The following SRRM2 variants were observed in gnomAD, a reference collection of about 807,000 sequenced individuals.
The protein encoded by SRRM2 is serine/arginine repetitive matrix protein 2.
SRRM2 carries 30 observed loss-of-function variants against 213.8 expected under a neutral mutation model. The ratio of observed to expected loss-of-function variants is 0.14; its 90% confidence interval spans 0.10 to 0.19. The LOEUF is 0.19. Among genes scored for constraint, SRRM2 ranks in the 10% least tolerant of loss-of-function variants. SRRM2 has a pLI of 1.00. For synonymous variants in SRRM2, 2,025 were observed against 1,377.7 expected, an observed-to-expected ratio of 1.47 and a Z score of -10.40; for missense variants, 4,904 against 3,647.0, an observed-to-expected ratio of 1.34 and a Z score of -8.88.
chr16:2,765,417 G>A lies in SRRM2; in HGVS notation c.4889G>A (p.Arg1630Gln), dbSNP rs141845538. The A allele has an allele frequency of 3.6e-5, 58 of 1,613,892 alleles. No individual in the cohort carries two copies. Among genetic ancestry groups the A allele is most frequent in the South Asian group, 2.6e-4 (24 of 91,074 alleles). ...SSPEPKAPAPRALPRRSRSGS... is the reference protein window; with the variant it reads ...SSPEPKAPAPQALPRRSRSGS... Reference sequence around the variant, plus strand: ...CCTGAACCTAAAGCTCCAGCCCCTCGGGCCCTTCCCAGACGAAGCAGATCA... The same window carrying A: ...CCTGAACCTAAAGCTCCAGCCCCTCAGGCCCTTCCCAGACGAAGCAGATCA... The change falls in exon 11 of 15, where the codon CGG becomes CAG. Residue 1630 changes from arginine to glutamine, a missense_variant. Coordinates refer to ENST00000301740, the MANE Select transcript of SRRM2 (RefSeq NM_016333.4).
intron 12 of SRRM2, 182 bp downstream of exon 12, chr16:2,769,466 G>C (rs564940642): frequency 7.0e-6 from 5 of 710,972 alleles, no homozygotes; most frequent in Non-Finnish European, 2.3e-6. Context: ...GAAGGGCTGC[G>C]CCATCCACAG....
rs566806076 is a variant in SRRM2, at chr16:2,768,466, A to G, written c.7733+205A>G. The stretch of plus-strand genomic sequence containing the variant: ...GACAGATAAAAGTCTCCGAAGGTTC[A>G]TTCTCTAGAGGATAATGATAAGTTT... On this transcript the variant is annotated intron_variant, in intron 11 of 14. Coordinates refer to ENST00000301740, the MANE Select transcript of SRRM2 (RefSeq NM_016333.4). 5 of 674,156 alleles carry G rather than the reference A, an allele frequency of 7.4e-6. No individual in the cohort carries two copies. In the African/African-American group the frequency reaches 8.9e-5, roughly 12 times the overall value. The allele number at this position is 674,156 out of a possible 1,614,324, so 41.8% of individuals were successfully genotyped here. A position where few individuals can be genotyped will look rare whatever the true frequency, so the allele number is the denominator to read the frequency against.
rs1304947055 is a variant in SRRM2, at chr16:2,762,738, C to G, written c.2210C>G (p.Ser737Cys). The G allele has an allele frequency of 2.5e-6, 4 of 1,614,070 alleles. No individual in the cohort carries two copies. The highest frequency in any genetic ancestry group is 2.7e-5 in the African/African-American group (2 of 74,938). ...SSERKNKSRT[S>C]QRRSRSNSSP... ...GAGCGGAAAAACAAATCCAGAACATCTCAAAGAAGAAGCAGGTCCAATTCA... is the reference window on the plus strand; with the variant it reads ...GAGCGGAAAAACAAATCCAGAACATGTCAAAGAAGAAGCAGGTCCAATTCA... The change falls in exon 11 of 15, where the codon TCT becomes TGT. Residue 737 changes from serine to cysteine, a missense_variant. By Grantham distance (112) the Ser-to-Cys change is moderately radical (BLOSUM62 -1). Transcript: ENST00000301740.
Position 2,765,615 on chromosome 16 carries a change from A to G in SRRM2, c.5087A>G (p.Glu1696Gly). ...CGTCGCAGCTCTCGATCATCTCCGG[A>G]GCTAACAAGGAAGGCCAGACTGTCC... Reference protein sequence around the residue: ...PRRRSSRSSPELTRKARLSRR... With the variant: ...PRRRSSRSSPGLTRKARLSRR... The change falls in exon 11 of 15, where the codon GAG becomes GGG. Residue 1696 changes from glutamate to glycine, a missense_variant. By Grantham distance (98) the Glu-to-Gly change is moderately conservative. Coordinates refer to ENST00000301740, the MANE Select transcript of SRRM2 (RefSeq NM_016333.4). 16 of 1,614,054 alleles carry G rather than the reference A, an allele frequency of 9.9e-6. No homozygotes were observed. Among genetic ancestry groups the G allele is most frequent in the Non-Finnish European group, 1.4e-5 (16 of 1,180,022 alleles).
In SRRM2 at chr16:2,764,732, A is replaced by T; in HGVS notation, c.4204A>T (p.Ile1402Phe). 1 of 1,614,174 alleles carries T rather than the reference A, an allele frequency of 6.2e-7. No individual in the cohort carries two copies. The highest frequency in any genetic ancestry group is 2.2e-5 in the East Asian group (1 of 44,890). Residue 1402 changes from isoleucine (I) to phenylalanine (F), a missense_variant, in exon 11 of 15, where the codon ATC (isoleucine) becomes TTC (phenylalanine). Transcript: ENST00000301740. Reference sequence around the variant, plus strand: ...GGCAGGGATGTCTTCAAATCAGAGCATCTCTTCACCTGTGCTTGATGCTGT... The same window carrying T: ...GGCAGGGATGTCTTCAAATCAGAGCTTCTCTTCACCTGTGCTTGATGCTGT... ...EKAGMSSNQS[I>F]SSPVLDAVPR...
Position 2,766,684 on chromosome 16 carries a change from C to T in SRRM2, c.6156C>T (p.Arg2052=), listed in dbSNP as rs529801887. Residue 2052 remains arginine, a synonymous_variant, in exon 11 of 15, where the codon CGC becomes CGT. Transcript: ENST00000301740. The surrounding 1 kb of genome is among the most constrained non-coding windows in gnomAD (Gnocchi z 7.0). Reference sequence around the variant, plus strand: ...GTCGCTCACCACTTGCTATCCGCCGCCGCTCCAGATCCCGTACTCCACGAA... The same window carrying T: ...GTCGCTCACCACTTGCTATCCGCCGTCGCTCCAGATCCCGTACTCCACGAA... The part of the protein sequence containing the change: ...SRSRSPLAIR[R]RSRSRTPRTA... The T allele has an allele frequency of 4.3e-6, 7 of 1,614,220 alleles. No individual in the cohort carries two copies. In the South Asian group the frequency reaches 7.7e-5, roughly 18 times the overall value.
In SRRM2 at chr16:2,762,719, A is replaced by G; in HGVS notation, c.2191A>G (p.Lys731Glu). The change falls in exon 11 of 15, where the codon AAA (lysine) becomes GAA (glutamate). Residue 731 changes from lysine (K) to glutamate (E), a missense_variant. By Grantham distance (56) the Lys-to-Glu change is moderately conservative. Transcript: ENST00000301740. ...CAGATCTGGCTCATCTTCAGAGCGG[A>G]AAAACAAATCCAGAACATCTCAAAG... is the stretch of plus-strand genomic sequence containing the variant. Reference protein sequence around the residue: ...RGRSGSSSERKNKSRTSQRRS... With the variant: ...RGRSGSSSERENKSRTSQRRS... The G allele has an allele frequency of 6.2e-7, 1 of 1,614,206 alleles. No homozygotes were observed. Among genetic ancestry groups the G allele is most frequent in the Non-Finnish European group, 8.5e-7 (1 of 1,180,046 alleles).
At position 2,765,838 on chromosome 16, in the gene SRRM2, C is replaced by G. The variant is rs760139790; in HGVS notation, c.5310C>G (p.Leu1770=). The part of the protein sequence containing the change: ...GRSPSPKPRG[L]QRSRSRSRRE... ...CTCCTTCGCCAAAGCCTCGTGGACT[C>G]CAGAGGTCCCGTTCCCGCTCAAGGA... The change falls in exon 11 of 15, where the codon CTC becomes CTG. Residue 1770 remains leucine, a synonymous_variant. Coordinates refer to ENST00000301740, the MANE Select transcript of SRRM2 (RefSeq NM_016333.4). 1 of 1,614,052 alleles carries G rather than the reference C, an allele frequency of 6.2e-7. No individual in the cohort carries two copies. Among genetic ancestry groups the G allele is most frequent in the Non-Finnish European group, 8.5e-7 (1 of 1,180,026 alleles).
At chr16:2,768,711 T>C in intron 11 of SRRM2, 1 of 700,210 alleles carries the variant, frequency 1.4e-6, no homozygotes. Flanking sequence ...ACTACCCAGC[T>C]TCAGCTTCCA....
In SRRM2 at chr16:2,769,225, T is replaced by G. The variant is rs750552696; in HGVS notation, c.7962T>G (p.Pro2654=). ...SSSSSPSPAK[P]GPQALPKPAS... ...CTTCCTCCCCTTCCCCTGCTAAGCC[T>G]GGCCCTCAGGCCTTGCCCAAACCTG... The change falls in exon 12 of 15, where the codon CCT becomes CCG. Residue 2654 remains proline, a synonymous_variant. Coordinates refer to ENST00000301740, the MANE Select transcript of SRRM2 (RefSeq NM_016333.4). 4.1e-5 allele frequency: 65 copies of G among 1,595,434 alleles called. No homozygotes were observed. The highest frequency in any genetic ancestry group is 5.3e-5 in the Non-Finnish European group (62 of 1,170,958).
At position 2,766,580 on chromosome 16, in the gene SRRM2, T is replaced by A. The variant is rs750097710; in HGVS notation, c.6052T>A (p.Ser2018Thr). Reference sequence around the variant, plus strand: ...AACCTCACCAGTGACACGCCGCCGCTCTAGGTCCCGGACACCTCCAGCTAT... The same window carrying A: ...AACCTCACCAGTGACACGCCGCCGCACTAGGTCCCGGACACCTCCAGCTAT... ...SRTSPVTRRR[S>T]RSRTPPAIRR... is the part of the protein sequence containing the mutation. The change falls in exon 11 of 15, where the codon TCT becomes ACT. Residue 2018 changes from serine to threonine, a missense_variant. By Grantham distance (58) the Ser-to-Thr change is moderately conservative. Coordinates refer to ENST00000301740, the MANE Select transcript of SRRM2 (RefSeq NM_016333.4). This position sits in a 1 kb window ranked among gnomAD's most constrained non-coding sequence, Gnocchi z 7.0. The A allele has an allele frequency of 6.2e-7, 1 of 1,613,868 alleles. No individual in the cohort carries two copies. The highest frequency in any genetic ancestry group is 8.5e-7 in the Non-Finnish European group (1 of 1,179,996).
rs765734659 is a variant in SRRM2, at chr16:2,767,018, A to G, written c.6490A>G (p.Ile2164Val). The change falls in exon 11 of 15, where the codon ATA becomes GTA. Residue 2164 changes from isoleucine to valine, a missense_variant. By Grantham distance (29) the Ile-to-Val change is conservative. Transcript: ENST00000301740. Reference sequence around the variant, plus strand: ...CATGATGGATGGTCCAGGTCCCCGAATACCTGACCACCAGAGAACATCTGT... The same window carrying G: ...CATGATGGATGGTCCAGGTCCCCGAGTACCTGACCACCAGAGAACATCTGT... ...GSMMDGPGPRIPDHQRTSVPE... is the reference protein window; with the variant it reads ...GSMMDGPGPRVPDHQRTSVPE... 1 of 1,614,156 alleles carries G rather than the reference A, an allele frequency of 6.2e-7. No individual in the cohort carries two copies. Among genetic ancestry groups the G allele is most frequent in the South Asian group, 1.1e-5 (1 of 91,076 alleles).
In SRRM2 at chr16:2,766,490, C is replaced by T; in HGVS notation, c.5962C>T (p.Pro1988Ser). The T allele has an allele frequency of 1.9e-6, 3 of 1,614,108 alleles. No homozygotes were observed. The highest frequency in any genetic ancestry group is 2.5e-6 in the Non-Finnish European group (3 of 1,180,012). ...CAGAAGATCAAGATCCAGAACATCT[C>T]CGGTCACCCGAAGGAGATCTCGATC... is the stretch of plus-strand genomic sequence containing the variant. ...TRRRSRSRTS[P>S]VTRRRSRSRT... The change falls in exon 11 of 15, where the codon CCG becomes TCG. Residue 1988 changes from proline (P) to serine (S), a missense_variant. Transcript: ENST00000301740. The surrounding 1 kb of genome is among the most constrained non-coding windows in gnomAD (Gnocchi z 7.0).
rs1347489812 is a variant in SRRM2, at chr16:2,762,891, A to C, written c.2363A>C (p.Gln788Pro). The change falls in exon 11 of 15, where the codon CAA becomes CCA. Residue 788 changes from glutamine (Q) to proline (P), a missense_variant. Physicochemically the swap from Gln to Pro is moderately conservative, Grantham distance 76. Coordinates refer to ENST00000301740, the MANE Select transcript of SRRM2 (RefSeq NM_016333.4). ...SLSGSSPCPKQKSQTPPRRSR... is the reference protein window; with the variant it reads ...SLSGSSPCPKPKSQTPPRRSR... ...TCAGGGTCTTCCCCATGCCCTAAAC[A>C]AAAGTCACAGACACCACCCAGGCGC... is the stretch of plus-strand genomic sequence containing the variant. The C allele has an allele frequency of 7.4e-6, 12 of 1,614,126 alleles. No homozygotes were observed. Among genetic ancestry groups the C allele is most frequent in the Non-Finnish European group, 1.0e-5 (12 of 1,180,018 alleles).
chr16:2,766,115 C>T lies in SRRM2; in HGVS notation c.5587C>T (p.Arg1863Cys), dbSNP rs538342941. Residue 1863 changes from arginine to cysteine, a missense_variant, in exon 11 of 15, where the codon CGC (arginine) becomes TGC (cysteine). By Grantham distance (180) the Arg-to-Cys change is radical. Coordinates refer to ENST00000301740, the MANE Select transcript of SRRM2 (RefSeq NM_016333.4). The surrounding 1 kb of genome is among the most constrained non-coding windows in gnomAD (Gnocchi z 7.0). ...RSRTSPAPWK[R>C]SRSRASPATH... ...ACGCACATCACCAGCCCCGTGGAAA[C>T]GCTCTAGATCTCGAGCCTCTCCAGC... The T allele has an allele frequency of 3.1e-6, 5 of 1,614,180 alleles. No individual in the cohort carries two copies. The highest frequency in any genetic ancestry group is 1.7e-5 in the Admixed American group (1 of 60,020).
At chr16:2,758,958 T>A in intron 5 of SRRM2, 27 bp from the exon 6 acceptor site, 3 of 1,613,740 alleles carry the variant, frequency 1.9e-6, no homozygotes, top group Non-Finnish European at 2.5e-6. Context: ...CCAAGCAGGA[T>A]GAGCTTGCTT....
intron 1 of SRRM2, among the ~76,000 whole-genome samples, chr16:2,753,251 G>T (rs2068005633): frequency 6.6e-6 from 1 of 152,316 alleles, no homozygotes; most frequent in Admixed American, 6.5e-5. Context: ...CCTTGCCCCC[G>T]GTTCCAGATC....
chr16:2,759,155 C>T lies in SRRM2; in HGVS notation c.672C>T (p.Ser224=). ...KKKKHRSESE[S]KKRKHRSPTP... ...TTTCCAACAGGTCAGAATCTGAGTC[C>T]AAGAAACGTAAGCATAGGTAAGAGC... Residue 224 remains serine, a synonymous_variant, in exon 7 of 15, where the codon TCC becomes TCT. Coordinates refer to ENST00000301740, the MANE Select transcript of SRRM2 (RefSeq NM_016333.4). 1.2e-6 allele frequency: 2 copies of T among 1,614,096 alleles called. No homozygotes were observed. Among genetic ancestry groups the T allele is most frequent in the Non-Finnish European group, 1.7e-6 (2 of 1,180,032 alleles).
intron 7 of SRRM2, 68 bp from the exon 8 acceptor site, chr16:2,759,284 C>T: frequency 1.9e-6 from 3 of 1,606,936 alleles, no homozygotes; most frequent in Non-Finnish European, 1.7e-6. Context: ...TCCCTCTTTC[C>T]ATTTCACTTT....
Sources: gnomAD v4.1 joint callset for allele counts (sites outside exome capture counted in the v4.1 genomes callset) on GRCh38, gnomAD v4.1.1 for gene constraint, Gnocchi (gnomAD v3.1) non-coding constraint, MANE v1.5 for transcripts, NCBI Gene and HGNC (gene_info 2026-07-23, HGNC 2026-07-21) for gene names.